The following DROSHA variants were observed in gnomAD, a reference collection of about 807,000 sequenced individuals.
DROSHA encodes drosha ribonuclease III.
A neutral mutation model predicts 181.9 loss-of-function variants in DROSHA; 56 were observed. That is an observed-to-expected ratio of 0.31 (90% CI 0.25 to 0.38). DROSHA has a LOEUF of 0.38. Ranked by LOEUF, DROSHA falls within the 10% of genes least tolerant of loss-of-function variation. DROSHA has a pLI of 1.00. For missense variants in DROSHA, 1,218 were observed against 1,743.5 expected (o/e 0.70, Z 5.37); for synonymous variants, 524 against 591.2 (o/e 0.89, Z 1.65).
rs1741079809 is a variant in DROSHA, at chr5:31,409,798, A to G, written c.3668-466T>C. The stretch of plus-strand genomic sequence containing the variant: ...TGAACAGAAATGGGGTAATTTATAG[A>G]TTCAATCTGCCCAAAAAGAGAAAAA... On this transcript the variant is annotated intron_variant, in intron 31 of 35. Coordinates refer to ENST00000344624, the MANE Select transcript of DROSHA (RefSeq NM_001382508.1). The surrounding 1 kb of genome is among the most constrained non-coding windows in gnomAD (Gnocchi z 4.0). Among the ~76,000 whole-genome samples the G allele has an allele frequency of 6.6e-6, 1 of 152,170 alleles. No individual in the cohort carries two copies. The highest frequency in any genetic ancestry group is 1.5e-5 in the Non-Finnish European group (1 of 68,022).
chr5:31,480,702 T>C lies in DROSHA; in HGVS notation c.2071+2852A>G, dbSNP rs929202609. Among the ~76,000 whole-genome samples the C allele has an allele frequency of 3.9e-5, 6 of 152,172 alleles. No homozygotes were observed. The East Asian group carries it at 1.2e-3, about 29-fold the overall frequency. On this transcript the variant is annotated intron_variant, in intron 16 of 35. Transcript: ENST00000344624. The stretch of plus-strand genomic sequence containing the variant: ...CATGAATACTTAGATAAGGCATTAT[T>C]ATGACCAATTAAATAAAATCAGTAA...
intron 23 of DROSHA, among the ~76,000 whole-genome samples, chr5:31,438,769 G>A (rs1745195851): frequency 6.6e-6 from 1 of 152,056 alleles, no homozygotes; most frequent in Admixed American, 6.6e-5. Flanking sequence ...GACACCACTT[G>A]AGAGGATGCA....
chr5:31,416,991 T>A (rs1298324033), intron 30 of DROSHA, among the ~76,000 whole-genome samples: 1 of 152,224 alleles, frequency 6.6e-6, no homozygotes, highest in African/African-American at 2.4e-5. Context: ...ACACTCTGAT[T>A]GGAGAAGACA....
Position 31,401,142 on chromosome 5 carries a change from C to T in DROSHA, c.*290G>A. 5.6e-6 allele frequency: 2 copies of T among 355,724 alleles called. No homozygotes were observed. Among genetic ancestry groups the T allele is most frequent in the Admixed American group, 4.0e-5 (1 of 24,836 alleles). The allele number at this position is 355,724 out of a possible 1,614,324, so 22.0% of individuals were successfully genotyped here. A position where few individuals can be genotyped will look rare whatever the true frequency, so the allele number is the denominator to read the frequency against. Reference sequence around the variant, plus strand: ...CACAGATGGAAAAACAGGATCTATTCCACATAGAATATGCTTCTTGAATTT... The same window carrying T: ...CACAGATGGAAAAACAGGATCTATTTCACATAGAATATGCTTCTTGAATTT... On this transcript the variant is annotated 3_prime_UTR_variant, in exon 36 of 36. Transcript: ENST00000344624.
intron 9 of DROSHA, 51 bp from the exon 10 acceptor site, chr5:31,508,826 G>GT (rs66622695): frequency 0.33 from 450,481 of 1,377,184 alleles, 37,038 homozygotes; most frequent in African/African-American, 0.7. Flanking sequence ...TAACAAACTG[G>GT]TTTTTTTTTT....
intron 16 of DROSHA, among the ~76,000 whole-genome samples, chr5:31,481,257 G>A (rs969121184): frequency 1.3e-5 from 2 of 151,838 alleles, no homozygotes; most frequent in Admixed American, 6.6e-5. Context: ...TTTTCAAAGG[G>A]GAGTCTAATG....
At chr5:31,420,265 C>A (rs1283856198) in intron 30 of DROSHA, among the ~76,000 whole-genome samples, 1 of 152,174 alleles carries the variant, frequency 6.6e-6, no homozygotes, top group Non-Finnish European at 1.5e-5. Flanking sequence ...ATACTAAAGA[C>A]AGACTGCACT....
intron 14 of DROSHA, among the ~76,000 whole-genome samples, chr5:31,485,800 C>T (rs1267565475): frequency 6.6e-6 from 1 of 152,154 alleles, no homozygotes; most frequent in Non-Finnish European, 1.5e-5. Context: ...ACACTCCCTG[C>T]CCATGACAGA....
Position 31,481,086 on chromosome 5 carries a change from A to G in DROSHA, c.2071+2468T>C, listed in dbSNP as rs112750085. On this transcript the variant is annotated intron_variant, in intron 16 of 35. Coordinates refer to ENST00000344624, the MANE Select transcript of DROSHA (RefSeq NM_001382508.1). ...CTTCTGCACAGAAAAAAATGAAAATATATATCAAAATGTTTTTTTTTAATT... is the reference window on the plus strand; with the variant it reads ...CTTCTGCACAGAAAAAAATGAAAATGTATATCAAAATGTTTTTTTTTAATT... 8.6e-3 allele frequency among the ~76,000 whole-genome samples: 1,294 copies of G among 150,970 alleles called. 14 individuals are homozygous for G. The highest frequency in any genetic ancestry group is 0.03 in the African/African-American group (1,224 of 40,782).
intron 10 of DROSHA, among the ~76,000 whole-genome samples, chr5:31,507,543 G>T (rs190466764): frequency 1.3e-4 from 19 of 151,860 alleles, no homozygotes; most frequent in Admixed American, 1.2e-3. Context: ...TTTGGCCTGG[G>T]AAGTCAAGGT....
intron 25 of DROSHA, 103 bp downstream of exon 25, chr5:31,435,662 C>T: frequency 1.0e-6 from 1 of 993,182 alleles, no homozygotes; most frequent in African/African-American, 1.6e-5. Flanking sequence ...TATTAACACT[C>T]CTAATATATC....
intron 23 of DROSHA, 59 bp from the exon 24 acceptor site, chr5:31,437,357 C>T (rs905134241): frequency 7.6e-6 from 9 of 1,177,714 alleles, no homozygotes; most frequent in Non-Finnish European, 1.0e-5. Context: ...CCCCCACCCA[C>T]CCACCCCCGC....
intron 13 of DROSHA, among the ~76,000 whole-genome samples, chr5:31,492,172 T>A (rs1303571822): frequency 1.3e-5 from 2 of 152,232 alleles, no homozygotes; most frequent in South Asian, 2.1e-4. Flanking sequence ...AATGATTTTA[T>A]TTTTACATTA....
At chr5:31,428,670 C>T (rs949270928) in intron 27 of DROSHA, among the ~76,000 whole-genome samples, 1 of 152,120 alleles carries the variant, frequency 6.6e-6, no homozygotes, top group East Asian at 1.9e-4. Flanking sequence ...CAAAGTAATA[C>T]AGTAATAACG....
chr5:31,433,601 G>A (rs1356004592), intron 25 of DROSHA, among the ~76,000 whole-genome samples: 1 of 152,058 alleles, frequency 6.6e-6, no homozygotes, highest in Non-Finnish European at 1.5e-5. Context: ...CTGGAGTGCA[G>A]TGGCACAATC....
chr5:31,421,917 C>CGTGTGTGTGT (rs1280180021), intron 29 of DROSHA: 18 of 75,186 alleles, frequency 2.4e-4, no homozygotes, highest in Admixed American at 6.2e-4. Context: ...AAAAATTAGC[C>CGTGTGTGTGT]GTGTGTGTGT....
At position 31,401,707 on chromosome 5, in the gene DROSHA, A is replaced by G. The variant is rs149375028; in HGVS notation, c.3995-145T>C. 3.6e-5 allele frequency: 18 copies of G among 495,696 alleles called. No individual in the cohort carries two copies. In the East Asian group the frequency reaches 1.2e-3, roughly 34 times the overall value. The allele number at this position is 495,696 out of a possible 1,614,324, so 30.7% of individuals were successfully genotyped here. A position where few individuals can be genotyped will look rare whatever the true frequency, so the allele number is the denominator to read the frequency against. On this transcript the variant is annotated intron_variant, in intron 35 of 35. Transcript: ENST00000344624. ...GTATTTTATAAGGCACAAGATAGAA[A>G]ACTGTTTTCTTCCCTTATTCTTTCA...
intron 20 of DROSHA, among the ~76,000 whole-genome samples, chr5:31,460,258 T>C (rs1202118546): frequency 1.3e-5 from 2 of 152,112 alleles, no homozygotes; most frequent in Non-Finnish European, 2.9e-5. Context: ...ACAGAAAAAA[T>C]TCTTCAACAA....
chr5:31,417,383 T>C (rs192107031), intron 30 of DROSHA, among the ~76,000 whole-genome samples: 1 of 152,250 alleles, frequency 6.6e-6, no homozygotes, highest in Non-Finnish European at 1.5e-5. Flanking sequence ...TGGGAAGGTT[T>C]GGGAGGTTTT....
Sources: gnomAD v4.1 joint callset for allele counts (sites outside exome capture counted in the v4.1 genomes callset) on GRCh38, gnomAD v4.1.1 for gene constraint, Gnocchi (gnomAD v3.1) non-coding constraint, MANE v1.5 for transcripts, NCBI Gene and HGNC (gene_info 2026-07-23, HGNC 2026-07-21) for gene names.